ATXN1: variants seen among roughly 807,000 people sequenced by gnomAD.
The protein encoded by ATXN1 is ataxin-1.
A neutral mutation model predicts 56.4 loss-of-function variants in ATXN1; 8 were observed. The ratio of observed to expected loss-of-function variants is 0.14; its 90% CI spans 0.08 to 0.26. The LOEUF is 0.26. ATXN1 is among the 10% of genes least tolerant of loss of function. ATXN1 has a pLI of 1.00. For missense variants in ATXN1, 987 were observed against 1,106.5 expected (o/e 0.89, Z 1.53); for synonymous variants, 514 against 494.6 (o/e 1.04, Z -0.52).
intron 3 of ATXN1, among the ~76,000 whole-genome samples, chr6:16,647,125 C>T (rs543007476): frequency 4.6e-5 from 7 of 152,224 alleles, no homozygotes; most frequent in East Asian, 1.9e-4. Context: ...CTGTCTCAGA[C>T]GCCCAAGTAG....
intron 1 of ATXN1, among the ~76,000 whole-genome samples, chr6:16,755,273 A>G (rs941681975): frequency 2.6e-5 from 4 of 152,238 alleles, no homozygotes; most frequent in African/African-American, 9.6e-5. Flanking sequence ...GAGAGTTTAC[A>G]TAACTTGTAT....
intron 6 of ATXN1, among the ~76,000 whole-genome samples, chr6:16,458,091 C>T (rs1187553694): frequency 6.6e-6 from 1 of 152,182 alleles, no homozygotes; most frequent in African/African-American, 2.4e-5. Flanking sequence ...GAAAAGAATG[C>T]AGCTTTAGCT....
intron 2 of ATXN1, among the ~76,000 whole-genome samples, chr6:16,714,409 G>C (rs2113459808): frequency 6.6e-6 from 1 of 152,214 alleles, no homozygotes. Flanking sequence ...GACAAGGATA[G>C]CAAGTCCCCT....
At chr6:16,491,256 C>G (rs1176091305) in intron 5 of ATXN1, among the ~76,000 whole-genome samples, 1 of 68,076 alleles carries the variant, frequency 1.5e-5, no homozygotes, top group Non-Finnish European at 3.1e-5. Flanking sequence ...CCACACCTGG[C>G]TAATTATTAT....
chr6:16,384,470 A>C (rs541241809), intron 6 of ATXN1, among the ~76,000 whole-genome samples: 67 of 152,336 alleles, frequency 4.4e-4, no homozygotes, highest in African/African-American at 1.5e-3. Flanking sequence ...CCAACTGCCT[A>C]CTATGCATCA....
intron 4 of ATXN1, among the ~76,000 whole-genome samples, chr6:16,532,352 T>C (rs1761520909): frequency 1.3e-5 from 2 of 152,150 alleles, no homozygotes; most frequent in Admixed American, 6.6e-5. Flanking sequence ...TATGGGCAAA[T>C]CTGAGAATTC....
intron 5 of ATXN1, among the ~76,000 whole-genome samples, chr6:16,514,835 T>G (rs1487506385): frequency 6.6e-6 from 1 of 151,556 alleles, no homozygotes; most frequent in East Asian, 1.9e-4. Flanking sequence ...TACAAAAAAT[T>G]AGCCAGGCGT....
intron 2 of ATXN1, among the ~76,000 whole-genome samples, chr6:16,684,421 G>A (rs1758875518): frequency 6.6e-6 from 1 of 152,128 alleles, no homozygotes; most frequent in Non-Finnish European, 1.5e-5. Context: ...AAGATTCTCA[G>A]GTCTCAGCCC....
chr6:16,679,263 GATGAGTTA>G (rs1337750590), intron 2 of ATXN1, among the ~76,000 whole-genome samples: 5 of 145,078 alleles, frequency 3.4e-5, no homozygotes, highest in Non-Finnish European at 4.5e-5. Flanking sequence ...TGGATGGATG[GATGAGTTA>G]GTGGGTGGAT....
chr6:16,317,946 C>A (rs1326937022), intron 7 of ATXN1, among the ~76,000 whole-genome samples: 3 of 152,198 alleles, frequency 2.0e-5, no homozygotes, highest in African/African-American at 7.2e-5. Flanking sequence ...ATGTCACCTT[C>A]CTAATCTGAC....
At chr6:16,619,849 C>A (rs1763285817) in intron 3 of ATXN1, among the ~76,000 whole-genome samples, 3 of 150,944 alleles carry the variant, frequency 2.0e-5, no homozygotes, top group South Asian at 2.1e-4. Context: ...TGGAGGCCAG[C>A]CTGAGCAACA....
Position 16,304,413 on chromosome 6 carries a change from A to G in ATXN1, c.*1916T>C, listed in dbSNP as rs1198580945. ...TACCCTTTCTGGGTTTGTACCAAAC[A>G]TTAAATCTCGATTTGATTTTGAATA... On this transcript the variant is annotated 3_prime_UTR_variant, in exon 8 of 8. Coordinates refer to ENST00000436367, the MANE Select transcript of ATXN1 (RefSeq NM_001128164.2). The G allele has an allele frequency of 4.6e-5, 7 of 152,520 alleles. No homozygotes were observed. Among genetic ancestry groups the G allele is most frequent in the Admixed American group, 3.9e-4 (6 of 15,260 alleles). The allele number at this position is 152,520 out of a possible 1,614,324, so 9.4% of individuals were successfully genotyped here. A position where few individuals can be genotyped will look rare whatever the true frequency, so the allele number is the denominator to read the frequency against.
chr6:16,639,457 G>C (rs1164152873), intron 3 of ATXN1, among the ~76,000 whole-genome samples: 1 of 152,142 alleles, frequency 6.6e-6, no homozygotes, highest in Non-Finnish European at 1.5e-5. Flanking sequence ...GGGATTACAG[G>C]CATGCCCCAC....
At chr6:16,712,271 TAAAC>T (rs1759540547) in intron 2 of ATXN1, among the ~76,000 whole-genome samples, 1 of 149,702 alleles carries the variant, frequency 6.7e-6, no homozygotes, top group Admixed American at 6.7e-5. Flanking sequence ...CTATTAATAA[TAAAC>T]TAATTTATTA....
intron 6 of ATXN1, among the ~76,000 whole-genome samples, chr6:16,432,152 A>C (rs116335610): frequency 0.022 from 3,419 of 152,354 alleles, 54 homozygotes; most frequent in Non-Finnish European, 0.036. Flanking sequence ...TATTTACTTC[A>C]AAAATCGATT....
At chr6:16,719,230 T>C (rs1204457389) in intron 2 of ATXN1, among the ~76,000 whole-genome samples, 1 of 152,218 alleles carries the variant, frequency 6.6e-6, no homozygotes, top group African/African-American at 2.4e-5. Context: ...AACTATTCAG[T>C]ATTTCTACAT....
intron 2 of ATXN1, among the ~76,000 whole-genome samples, chr6:16,752,580 T>C (rs1425805918): frequency 6.6e-6 from 1 of 152,184 alleles, no homozygotes; most frequent in Non-Finnish European, 1.5e-5. Flanking sequence ...ACTCAAACCC[T>C]TGTGTTCCCA....
At chr6:16,579,083 T>A (rs987244020) in intron 4 of ATXN1, among the ~76,000 whole-genome samples, 1 of 152,352 alleles carries the variant, frequency 6.6e-6, no homozygotes, top group East Asian at 1.9e-4. Context: ...GATGGCTGTA[T>A]TTCAGTGGCA....
chr6:16,421,339 C>T (rs1172398308), intron 6 of ATXN1, among the ~76,000 whole-genome samples: 1 of 143,268 alleles, frequency 7.0e-6, no homozygotes, highest in African/African-American at 2.6e-5. Flanking sequence ...AGAAAGGACA[C>T]AGGAAAAAAA....
Sources: allele counts gnomAD v4.1 joint callset (sites outside exome capture counted in the v4.1 genomes callset), GRCh38; gene constraint gnomAD v4.1.1; transcripts MANE v1.5; gene names NCBI Gene and HGNC (gene_info 2026-07-23, HGNC 2026-07-21).